Variants in LRCH3 observed in about 807,000 individuals in gnomAD.
LRCH3 encodes the protein DISP complex protein LRCH3.
Under a neutral mutation model 104.5 loss-of-function variants are expected in LRCH3, and 68 were observed. The observed-to-expected ratio is 0.65, with a 90% CI of 0.54 to 0.80. The LOEUF is 0.80. Ranked by LOEUF, LRCH3 falls within the 30% of genes least tolerant of loss-of-function variation. The probability of loss-of-function intolerance (pLI) is 0.00; values close to 1 mark genes in which losing one functional copy is unlikely to be tolerated. For missense variants in LRCH3, 951 were observed against 953.9 expected (o/e 1.00, Z 0.04); for synonymous variants, 344 against 361.3 (o/e 0.95, Z 0.54).
chr3:197,811,640 G>A (rs1321275293), intron 1 of LRCH3, among the ~76,000 whole-genome samples: 1 of 152,188 alleles, frequency 6.6e-6, no homozygotes, highest in Admixed American at 6.5e-5. Context: ...TTTGTGTTTG[G>A]ACTGGAATGA....
chr3:197,795,218 A>G (rs1028627609), intron 1 of LRCH3, among the ~76,000 whole-genome samples: 1 of 152,044 alleles, frequency 6.6e-6, no homozygotes, highest in Non-Finnish European at 1.5e-5. Flanking sequence ...TTAAGAGTAT[A>G]AGGGACATCA....
chr3:197,791,568 C>G (rs572039516), intron 1 of LRCH3, 28 bp downstream of exon 1: 1 of 1,506,322 alleles, frequency 6.6e-7, no homozygotes, highest in South Asian at 1.3e-5. Flanking sequence ...CGTCTCTGCC[C>G]GTCGGAGACC....
intron 9 of LRCH3, 151 bp from the exon 10 acceptor site, chr3:197,839,170 T>G: frequency 1.8e-6 from 1 of 561,728 alleles, no homozygotes. Context: ...TAGCATATGA[T>G]GCTTTTAAAC....
At chr3:197,846,986 G>C (rs1337718292) in intron 10 of LRCH3, among the ~76,000 whole-genome samples, 1 of 152,100 alleles carries the variant, frequency 6.6e-6, no homozygotes, top group Non-Finnish European at 1.5e-5. Flanking sequence ...ATAAGAGCAG[G>C]TGTGCTTTAT....
chr3:197,846,727 C>T (rs890926840), intron 10 of LRCH3, among the ~76,000 whole-genome samples: 9 of 151,970 alleles, frequency 5.9e-5, no homozygotes, highest in Non-Finnish European at 8.8e-5. Context: ...ACGTCCTAAA[C>T]GTCAGACAGT....
intron 18 of LRCH3, among the ~76,000 whole-genome samples, chr3:197,870,831 G>A (rs1407267337): frequency 2.0e-5 from 3 of 152,224 alleles, no homozygotes; most frequent in Non-Finnish European, 2.9e-5. Flanking sequence ...TGTGATGAAT[G>A]TAAACATTTT....
intron 17 of LRCH3, 68 bp downstream of exon 17, chr3:197,866,287 GGATGCTTTTAAACTTCT>G: frequency 9.0e-7 from 1 of 1,107,660 alleles, no homozygotes. Context: ...GCTGTTAGAT[GGATGCTTTTAAACTTCT>G]GCATATAGTA....
chr3:197,839,026 C>T (rs1737375918), intron 9 of LRCH3, among the ~76,000 whole-genome samples: 1 of 152,092 alleles, frequency 6.6e-6, no homozygotes. Context: ...ATTCTAACAT[C>T]TTATTATTCA....
intron 5 of LRCH3, 87 bp from the exon 6 acceptor site, chr3:197,829,477 T>C: frequency 1.4e-6 from 1 of 738,318 alleles, no homozygotes. Context: ...CCTTTCCCAA[T>C]GTATGTTACA....
chr3:197,806,869 A>T (rs898676925), intron 1 of LRCH3, among the ~76,000 whole-genome samples: 1 of 151,006 alleles, frequency 6.6e-6, no homozygotes, highest in Non-Finnish European at 1.5e-5. Context: ...CCCCATTTTT[A>T]CAAAAGATTT....
At chr3:197,868,293 A>G (rs749398560) in intron 17 of LRCH3, among the ~76,000 whole-genome samples, 13 of 151,940 alleles carry the variant, frequency 8.6e-5, no homozygotes, top group Non-Finnish European at 1.6e-4. Flanking sequence ...GTAACAATTT[A>G]TATAGCATTT....
rs75099495 is a variant in LRCH3, at chr3:197,864,651, T to C, written c.1717-772T>C. On this transcript the variant is annotated intron_variant, in intron 15 of 20. Transcript: ENST00000425562. ...AAAAACAAAAAAACAAAAACTTGGC[T>C]TTTAAAAATACAGAATTAATTCATT... Among the ~76,000 whole-genome samples the C allele has an allele frequency of 1.2e-3, 178 of 150,028 alleles. 2 individuals are homozygous for C. The highest frequency in any genetic ancestry group is 4.3e-3 in the African/African-American group (175 of 41,176).
At chr3:197,818,197 A>G (rs1281415989) in intron 3 of LRCH3, among the ~76,000 whole-genome samples, 3 of 152,220 alleles carry the variant, frequency 2.0e-5, no homozygotes, top group Admixed American at 6.5e-5. Flanking sequence ...CCTTCTGAGC[A>G]TGGGAATAAC....
chr3:197,807,929 A>T (rs531326669), intron 1 of LRCH3, among the ~76,000 whole-genome samples: 1 of 152,336 alleles, frequency 6.6e-6, no homozygotes, highest in East Asian at 1.9e-4. Context: ...AAATATTTAG[A>T]ATCACATCAA....
In LRCH3 at chr3:197,866,190, G is replaced by A. The variant is rs765671495; in HGVS notation, c.1844G>A (p.Arg615Gln). The A allele has an allele frequency of 1.0e-4, 161 of 1,613,756 alleles. No individual in the cohort carries two copies. Among genetic ancestry groups the A allele is most frequent in the Non-Finnish European group, 1.2e-4 (140 of 1,179,928 alleles). ...QPQRPESFLF[R>Q]AGVRAETNKG... ...CAGCGCCCTGAAAGCTTCCTTTTCC[G>A]AGCAGGTGTCAGGGCAGAAACCAAC... is the stretch of plus-strand genomic sequence containing the variant. Residue 615 changes from arginine to glutamine, a missense_variant, in exon 17 of 21, where the codon CGA becomes CAA. Coordinates refer to ENST00000425562, the MANE Select transcript of LRCH3 (RefSeq NM_001365715.1).
At position 197,824,796 on chromosome 3, in the gene LRCH3, T is replaced by C. The variant is rs548124283; in HGVS notation, c.641-2082T>C. Among the ~76,000 whole-genome samples the C allele has an allele frequency of 8.1e-3, 1,193 of 146,602 alleles. 41 individuals are homozygous for C. Among genetic ancestry groups the C allele is most frequent in the East Asian group, 0.06 (280 of 4,664 alleles). ...CATCTTGGCCAGGCTGGTCTTGAAC[T>C]TCTGACCTCGTGATTCACCCGCCTT... On this transcript the variant is annotated intron_variant, in intron 4 of 20. Transcript: ENST00000425562.
In LRCH3 at chr3:197,817,196, T is replaced by G. The variant is rs757830121; in HGVS notation, c.428T>G (p.Leu143Trp). 4.4e-6 allele frequency: 7 copies of G among 1,602,620 alleles called. 1 individual carries two copies. In the South Asian group the frequency reaches 7.8e-5, roughly 18 times the overall value. The part of the protein sequence containing the change: ...LNISRNQLST[L>W]PVHLCNLPLK... ...TTTAGTCGGAACCAACTGTCAACATTGCCGGTACACTTGTGTAATTTGCCA... is the reference window on the plus strand; with the variant it reads ...TTTAGTCGGAACCAACTGTCAACATGGCCGGTACACTTGTGTAATTTGCCA... The change falls in exon 3 of 21, where the codon TTG (leucine) becomes TGG (tryptophan). Residue 143 changes from leucine to tryptophan, a missense_variant. Physicochemically the swap from Leu to Trp is moderately conservative, Grantham distance 61. Transcript: ENST00000425562.
intron 17 of LRCH3, among the ~76,000 whole-genome samples, chr3:197,869,534 T>C (rs1175233491): frequency 6.8e-6 from 1 of 147,368 alleles, no homozygotes; most frequent in African/African-American, 2.6e-5. Context: ...GCACTGTACC[T>C]GCAGGAGGTA....
intron 4 of LRCH3, 77 bp from the exon 5 acceptor site, chr3:197,826,801 T>A: frequency 6.5e-7 from 1 of 1,543,198 alleles, no homozygotes; most frequent in Non-Finnish European, 8.9e-7. Flanking sequence ...TAAAATCACA[T>A]TTAACTAGAA....
Sources: allele counts gnomAD v4.1 joint callset (sites outside exome capture counted in the v4.1 genomes callset), GRCh38; gene constraint gnomAD v4.1.1; transcripts MANE v1.5; gene names NCBI Gene and HGNC (gene_info 2026-07-23, HGNC 2026-07-21).